The following AKAP6 variants were observed in gnomAD, a reference collection of about 807,000 sequenced individuals.
AKAP6 encodes the protein A-kinase anchoring protein 6.
In AKAP6, 58 loss-of-function variants were observed where a neutral mutation model predicts 188.5. The ratio of observed to expected loss-of-function variants is 0.31; its 90% CI spans 0.25 to 0.38. AKAP6 has a LOEUF of 0.38. Among genes scored for constraint, AKAP6 ranks in the 10% least tolerant of loss-of-function variants. The pLI is 1.00. For synonymous variants in AKAP6, 989 were observed against 998.6 expected, an observed-to-expected ratio of 0.99 and a Z score of 0.18; for missense variants, 2,710 against 2,740.0, an observed-to-expected ratio of 0.99 and a Z score of 0.24.
intron 11 of AKAP6, among the ~76,000 whole-genome samples, chr14:32,743,511 C>A (rs2031765903): frequency 6.6e-6 from 1 of 151,976 alleles, no homozygotes; most frequent in African/African-American, 2.4e-5. Flanking sequence ...TAGTTTCTTG[C>A]TTTTCATTGT....
At chr14:32,399,305 G>A (rs1243112210) in intron 1 of AKAP6, among the ~76,000 whole-genome samples, 1 of 152,144 alleles carries the variant, frequency 6.6e-6, no homozygotes, top group Admixed American at 6.5e-5. Flanking sequence ...CTGAAAGATT[G>A]GACTTTGTTG....
intron 1 of AKAP6, among the ~76,000 whole-genome samples, chr14:32,368,633 T>C (rs903995562): frequency 6.6e-6 from 1 of 151,992 alleles, no homozygotes; most frequent in Non-Finnish European, 1.5e-5. Flanking sequence ...AGAAAGGAAC[T>C]GAATACAGTA....
intron 12 of AKAP6, among the ~76,000 whole-genome samples, chr14:32,813,396 C>CCCG (rs1555365149): frequency 1.6e-5 from 2 of 121,914 alleles, no homozygotes; most frequent in Admixed American, 1.6e-4. Context: ...CCTACCCCCC[C>CCCG]CCCCAACCCC....
rs1406818934 is a variant in AKAP6 at position 32,466,841 on chromosome 14, A to ATT, written c.324+33025_324+33026insTT. 3.7e-3 allele frequency among the ~76,000 whole-genome samples: 532 copies of ATT among 143,754 alleles called. 11 individuals carry two copies. Among genetic ancestry groups the ATT allele is most frequent in the African/African-American group, 0.014 (512 of 37,508 alleles). The allele number at this position is 143,754 out of a possible 152,430, so 94.3% of individuals were successfully genotyped here. A position where few individuals can be genotyped will look rare whatever the true frequency, so the allele number is the denominator to read the frequency against. On this transcript the variant is annotated intron_variant, in intron 2 of 13. Transcript: ENST00000280979. ...TAAAAACAAGATTATATATATATAT[A>ATT]TATATTTTCTTTCTTAGCAAGACTA...
Position 32,568,591 on chromosome 14 carries a change from G to C in AKAP6, c.2347-8529G>C, listed in dbSNP as rs930758458. 6.6e-6 allele frequency among the ~76,000 whole-genome samples: 1 copy of C among 152,112 alleles called. No individual in the cohort carries two copies. The highest frequency in any genetic ancestry group is 1.5e-5 in the Non-Finnish European group (1 of 68,024). ...ATCTGATCTGCTTATCCAGTGTCTT[G>C]GAGGATTGGGGGTGCTTGAAGCAAG... On this transcript the variant is annotated intron_variant, in intron 4 of 13. Coordinates refer to ENST00000280979, the MANE Select transcript of AKAP6 (RefSeq NM_004274.5). The surrounding 1 kb of genome is among the most constrained non-coding windows in gnomAD (Gnocchi z 6.2).
chr14:32,648,167 T>A (rs1011892888), intron 7 of AKAP6, among the ~76,000 whole-genome samples: 10 of 152,090 alleles, frequency 6.6e-5, no homozygotes, highest in African/African-American at 2.4e-4. Flanking sequence ...AGTCCCACAC[T>A]TAGCTGGAGG....
At chr14:32,694,449 AAC>A (rs1475476400) in intron 8 of AKAP6, among the ~76,000 whole-genome samples, 2 of 152,068 alleles carry the variant, frequency 1.3e-5, no homozygotes, top group Non-Finnish European at 2.9e-5. Flanking sequence ...CCCACCCTAG[AAC>A]AGTTACTGAA....
intron 12 of AKAP6, among the ~76,000 whole-genome samples, chr14:32,787,009 T>A (rs557726987): frequency 6.6e-6 from 1 of 152,324 alleles, no homozygotes; most frequent in South Asian, 2.1e-4. Flanking sequence ...TCTAGCCACA[T>A]AATTGAAAAT....
chr14:32,464,170 G>A (rs1001423772), intron 2 of AKAP6, among the ~76,000 whole-genome samples: 2 of 152,326 alleles, frequency 1.3e-5, no homozygotes, highest in Non-Finnish European at 2.9e-5. Context: ...GCAGTACAAA[G>A]AGGAGCTGGT....
chr14:32,723,374 T>C (rs2030657359), intron 9 of AKAP6, among the ~76,000 whole-genome samples: 1 of 152,182 alleles, frequency 6.6e-6, no homozygotes, highest in Admixed American at 6.5e-5. Flanking sequence ...TAGATTTAAC[T>C]CATTATGGCA....
Position 32,547,012 on chromosome 14 carries a change from T to C in AKAP6, c.2346+13T>C. 6.4e-7 allele frequency: 1 copy of C among 1,574,428 alleles called. No homozygotes were observed. Among genetic ancestry groups the C allele is most frequent in the Non-Finnish European group, 8.6e-7 (1 of 1,168,340 alleles). ...GGAAAAAATAGAGGTAAGGTGGTTT[T>C]CTTAACATGAATGATTTCTCACTTG... On this transcript the variant is annotated intron_variant, in intron 4 of 13. Transcript: ENST00000280979.
At chr14:32,569,719 T>C (rs1884384331) in intron 4 of AKAP6, among the ~76,000 whole-genome samples, 1 of 152,232 alleles carries the variant, frequency 6.6e-6, no homozygotes, top group Admixed American at 6.5e-5. Context: ...ATAATTTTGC[T>C]TCTAAATAAA....
At chr14:32,725,019 A>AAAAAAAAAAAAT in intron 9 of AKAP6, among the ~76,000 whole-genome samples, 1 of 147,584 alleles carries the variant, frequency 6.8e-6, no homozygotes. Context: ...AAAAAAAAAC[A>AAAAAAAAAAAAT]ATTTTCCTGA....
intron 1 of AKAP6, among the ~76,000 whole-genome samples, chr14:32,348,215 A>G (rs960378230): frequency 6.6e-6 from 1 of 152,176 alleles, no homozygotes; most frequent in African/African-American, 2.4e-5. Flanking sequence ...GTTCCAGCCT[A>G]TGGCAGGGAT....
In AKAP6 at chr14:32,821,589, C is replaced by T; in HGVS notation, c.3776C>T (p.Pro1259Leu). The T allele has an allele frequency of 6.2e-7, 1 of 1,613,578 alleles. No homozygotes were observed. Among genetic ancestry groups the T allele is most frequent in the Non-Finnish European group, 8.5e-7 (1 of 1,179,820 alleles). ...CTTGGAGAGACAAGTAATGAGGACC[C>T]TGGTTATGACGAGGAGGCTGATAAC... is the stretch of plus-strand genomic sequence containing the variant. ...LKLGETSNED[P>L]GYDEEADNHG... Residue 1259 changes from proline (P) to leucine (L), a missense_variant, in exon 13 of 14, where the codon CCT (proline) becomes CTT (leucine). Pro to Leu is a moderately conservative substitution (Grantham distance 98). Coordinates refer to ENST00000280979, the MANE Select transcript of AKAP6 (RefSeq NM_004274.5).
intron 4 of AKAP6, among the ~76,000 whole-genome samples, chr14:32,550,199 C>A (rs932454382): frequency 2.0e-5 from 3 of 152,166 alleles, no homozygotes; most frequent in African/African-American, 7.2e-5. Context: ...TACAAAAATG[C>A]AGCTAGGTTT....
At chr14:32,654,712 G>A (rs1888380577) in intron 7 of AKAP6, among the ~76,000 whole-genome samples, 1 of 151,758 alleles carries the variant, frequency 6.6e-6, no homozygotes, top group African/African-American at 2.4e-5. Context: ...AGCTGGGCAT[G>A]GTGGCACATG....
intron 12 of AKAP6, among the ~76,000 whole-genome samples, chr14:32,783,150 A>G (rs1309485666): frequency 6.6e-6 from 1 of 152,182 alleles, no homozygotes; most frequent in African/African-American, 2.4e-5. Flanking sequence ...AAGGCAATTC[A>G]ATGAAGAAAG....
At chr14:32,382,607 T>C (rs973171884) in intron 1 of AKAP6, among the ~76,000 whole-genome samples, 1 of 152,180 alleles carries the variant, frequency 6.6e-6, no homozygotes, top group Admixed American at 6.5e-5. Flanking sequence ...AGTGACATGA[T>C]GTCCTTATGC....
Sources: allele counts gnomAD v4.1 joint callset (sites outside exome capture counted in the v4.1 genomes callset), GRCh38; gene constraint gnomAD v4.1.1; non-coding constraint Gnocchi (gnomAD v3.1); transcripts MANE v1.5; gene names NCBI Gene and HGNC (gene_info 2026-07-23, HGNC 2026-07-21).